Variants in KLHL7 observed in about 807,000 individuals in gnomAD.
KLHL7 encodes the protein kelch like family member 7, also known as kelch-like protein 7.
A neutral mutation model predicts 67.4 loss-of-function variants in KLHL7; 44 were observed. The ratio of observed to expected loss-of-function variants is 0.65; its 90% CI spans 0.51 to 0.84. The LOEUF is 0.84. KLHL7 is among the 40% of genes least tolerant of loss of function. The pLI, the probability that KLHL7 is intolerant of heterozygous loss-of-function variation, is 0.00. For synonymous variants in KLHL7, 252 were observed against 243.3 expected, an observed-to-expected ratio of 1.04 and a Z score of -0.33; for missense variants, 362 against 718.1, an observed-to-expected ratio of 0.50 and a Z score of 5.67.
intron 7 of KLHL7, among the ~76,000 whole-genome samples, chr7:23,159,193 A>C (rs1224971131): frequency 2.0e-5 from 3 of 152,162 alleles, no homozygotes; most frequent in African/African-American, 7.2e-5. Flanking sequence ...TTGTTTTTAA[A>C]ACAGGGTCTT....
intron 1 of KLHL7, among the ~76,000 whole-genome samples, chr7:23,120,740 A>G (rs1783299970): frequency 6.6e-6 from 1 of 151,856 alleles, no homozygotes; most frequent in Non-Finnish European, 1.5e-5. Context: ...TTAATTTTTT[A>G]TTTTTAGTAG....
At chr7:23,173,153 TTATTA>T in intron 10 of KLHL7, 108 bp downstream of exon 10, 1 of 725,864 alleles carries the variant, frequency 1.4e-6, no homozygotes, top group Non-Finnish European at 2.4e-6. Flanking sequence ...ACCATGTATA[TTATTA>T]TATCTATTTT....
intron 9 of KLHL7, chr7:23,171,135 G>A (rs1297294685): frequency 3.0e-6 from 1 of 332,020 alleles, no homozygotes; most frequent in African/African-American, 2.2e-5. Context: ...TCCATCTCTT[G>A]ACCTTGTGAT....
rs538680774 is a variant in KLHL7, at chr7:23,166,095, G to A, written c.1177+157G>A. 1.6e-4 allele frequency among the ~76,000 whole-genome samples: 25 copies of A among 152,198 alleles called. No homozygotes were observed. The East Asian group carries it at 4.0e-3, about 25-fold the overall frequency. ...CATTTTAGAGCTCATCTCCCTGAAG[G>A]TTTATGTCGTTGCTTTACAAACCAT... On this transcript the variant is annotated intron_variant, in intron 8 of 10. Coordinates refer to ENST00000339077, the MANE Select transcript of KLHL7 (RefSeq NM_001031710.3).
chr7:23,173,076 C>T, intron 10 of KLHL7, 31 bp downstream of exon 10: 2 of 1,498,974 alleles, frequency 1.3e-6, no homozygotes, highest in Non-Finnish European at 1.9e-6. Context: ...GTTCCACTTT[C>T]CTGATGAGTT....
chr7:23,160,356 C>T (rs980731633), intron 7 of KLHL7, among the ~76,000 whole-genome samples: 1 of 152,190 alleles, frequency 6.6e-6, no homozygotes. Context: ...TACTCAACTT[C>T]AGACTGAGTT....
chr7:23,170,073 G>T (rs998972724), intron 9 of KLHL7, among the ~76,000 whole-genome samples: 10 of 152,136 alleles, frequency 6.6e-5, no homozygotes, highest in African/African-American at 2.4e-4. Context: ...AATTAGCCGG[G>T]CGTGGTGGCG....
rs117882516 is a variant in KLHL7, at chr7:23,116,389, C to T, written c.121-7388C>T. Reference sequence around the variant, plus strand: ...CTAGGCCTTGCAAACTCAGCAGCAGCGCAGACATGTTCCTTTCTGTCACCT... The same window carrying T: ...CTAGGCCTTGCAAACTCAGCAGCAGTGCAGACATGTTCCTTTCTGTCACCT... On this transcript the variant is annotated intron_variant, in intron 1 of 10. Coordinates refer to ENST00000339077, the MANE Select transcript of KLHL7 (RefSeq NM_001031710.3). 5.7e-3 allele frequency among the ~76,000 whole-genome samples: 865 copies of T among 152,310 alleles called. 14 individuals carry two copies. The East Asian group carries it at 0.059, about 10-fold the overall frequency.
chr7:23,112,086 T>G (rs900553413), intron 1 of KLHL7, among the ~76,000 whole-genome samples: 1 of 152,202 alleles, frequency 6.6e-6, no homozygotes, highest in South Asian at 2.1e-4. Flanking sequence ...GGTAACCAAA[T>G]TAAGATAACT....
chr7:23,106,617 C>G (rs1036016901), intron 1 of KLHL7: 64 of 1,036,206 alleles, frequency 6.2e-5, no homozygotes, highest in African/African-American at 4.1e-4. Flanking sequence ...CTGTGTTCCC[C>G]GGTGGAGCTA....
chr7:23,137,554 C>G (rs1388323959), intron 4 of KLHL7, among the ~76,000 whole-genome samples: 3 of 150,464 alleles, frequency 2.0e-5, no homozygotes, highest in Non-Finnish European at 4.4e-5. Flanking sequence ...TCTCGGCTCA[C>G]TGCAACCTCC....
intron 9 of KLHL7, 198 bp downstream of exon 9, chr7:23,168,235 C>T (rs1041876572): frequency 8.4e-6 from 5 of 592,196 alleles, no homozygotes; most frequent in Admixed American, 2.9e-5. Flanking sequence ...CTTGAACTTA[C>T]ACCCCATGGG....
At chr7:23,109,922 G>A (rs1782796885) in intron 1 of KLHL7, among the ~76,000 whole-genome samples, 1 of 152,034 alleles carries the variant, frequency 6.6e-6, no homozygotes, top group South Asian at 2.1e-4. Flanking sequence ...AGAAGCTATT[G>A]TCACTCCACT....
chr7:23,141,404 G>A (rs1386979944), intron 5 of KLHL7, among the ~76,000 whole-genome samples: 1 of 152,228 alleles, frequency 6.6e-6, no homozygotes, highest in Non-Finnish European at 1.5e-5. Context: ...GGTGGAAGGG[G>A]ACCATAAGCC....
chr7:23,172,285 T>C (rs1442932181), intron 9 of KLHL7: 2 of 420,160 alleles, frequency 4.8e-6, no homozygotes, highest in African/African-American at 4.2e-5. Context: ...TGAATTAATA[T>C]CCTTTAACAC....
chr7:23,155,579 G>T lies in KLHL7; in HGVS notation c.936+3370G>T, dbSNP rs183848178. 9.9e-4 allele frequency among the ~76,000 whole-genome samples: 150 copies of T among 151,528 alleles called. No homozygotes were observed. In the East Asian group the frequency reaches 0.023, roughly 23 times the overall value. ...CTGGGGAGGCTGAGGCAGGATAATC[G>T]CTTGAACCCGAGAGGTGGAGGTTGC... On this transcript the variant is annotated intron_variant, in intron 7 of 10. Coordinates refer to ENST00000339077, the MANE Select transcript of KLHL7 (RefSeq NM_001031710.3).
Position 23,174,020 on chromosome 7 carries a change from C to T in KLHL7, c.1483C>T (p.Leu495=). Residue 495 remains leucine (L), a synonymous_variant, in exon 11 of 11, where the codon CTG becomes TTG. Coordinates refer to ENST00000339077, the MANE Select transcript of KLHL7 (RefSeq NM_001031710.3). ...CATGTTTTATTCTTTTGAAGGTGGT[C>T]TGGACAATGTGGAATATTACGATAT... ...AVGGQNGLGG[L]DNVEYYDIKL... is the part of the protein sequence containing the mutation. The T allele has an allele frequency of 6.2e-7, 1 of 1,613,846 alleles. No individual in the cohort carries two copies. The highest frequency in any genetic ancestry group is 8.5e-7 in the Non-Finnish European group (1 of 1,179,820).
intron 1 of KLHL7, among the ~76,000 whole-genome samples, chr7:23,109,316 A>G (rs1782769789): frequency 6.6e-6 from 1 of 152,202 alleles, no homozygotes; most frequent in Non-Finnish European, 1.5e-5. Flanking sequence ...GATTAATGTT[A>G]TTACCTGATA....
At position 23,175,953 on chromosome 7, in the gene KLHL7, T is replaced by TAAAAAAAAAAAAAAAAAAAA. The variant is rs57658434; in HGVS notation, c.*1661_*1680dup. ...CCCAGCCTGGGCAACAGAGCAAGACTAAAAAAAAAAAAAAAAAAAAAAAAA... is the reference window on the plus strand; with the variant it reads ...CCCAGCCTGGGCAACAGAGCAAGACTAAAAAAAAAAAAAAAAAAAAAAAAAAAAAAAAAAAAAAAAAAAAA... On this transcript the variant is annotated 3_prime_UTR_variant, in exon 11 of 11. Transcript: ENST00000339077. 1.7e-5 allele frequency: 1 copy of TAAAAAAAAAAAAAAAAAAAA among 60,500 alleles called. No individual in the cohort carries two copies. Among genetic ancestry groups the TAAAAAAAAAAAAAAAAAAAA allele is most frequent in the African/African-American group, 7.1e-5 (1 of 14,156 alleles). 3.7% of individuals were successfully genotyped at this position (60,500 alleles called of 1,614,324 possible). A position where few individuals can be genotyped will look rare whatever the true frequency, so the allele number is the denominator to read the frequency against.
Sources: gnomAD v4.1 joint callset for allele counts (sites outside exome capture counted in the v4.1 genomes callset) on GRCh38, gnomAD v4.1.1 for gene constraint, MANE v1.5 for transcripts, NCBI Gene and HGNC (gene_info 2026-07-23, HGNC 2026-07-21) for gene names.